The following C12orf54 variants were observed in gnomAD, a reference collection of about 807,000 sequenced individuals.
C12orf54 encodes the protein uncharacterized protein C12orf54.
In C12orf54, 24 loss-of-function variants were observed where a neutral mutation model predicts 26.4. That is an observed-to-expected ratio of 0.91 (90% CI 0.66 to 1.28). The LOEUF (loss-of-function observed/expected upper bound fraction) is 1.28. Ranked by LOEUF, C12orf54 falls within the 50% of genes most tolerant of loss-of-function variation. The pLI, the probability that C12orf54 is intolerant of heterozygous loss-of-function variation, is 0.00. For missense variants in C12orf54, 154 were observed against 150.9 expected (o/e 1.02, Z -0.11); for synonymous variants, 54 against 47.0 (o/e 1.15, Z -0.61).
Position 48,492,807 on chromosome 12 carries a change from GC to G in C12orf54, c.194-138del, listed in dbSNP as rs1173834619. 8 of 689,176 alleles carry G rather than the reference GC, an allele frequency of 1.2e-5. No homozygotes were observed. The East Asian group carries it at 2.2e-4, about 19-fold the overall frequency. The allele number at this position is 689,176 out of a possible 1,614,324, so 42.7% of individuals were successfully genotyped here. A position where few individuals can be genotyped will look rare whatever the true frequency, so the allele number is the denominator to read the frequency against. On this transcript the variant is annotated intron_variant, in intron 6 of 8. Transcript: ENST00000548364. ...CATTCTGCAACTGCCTCTCTGATGGGCCTGTTAGGTGGTCAGTGTCCCTTCA... is the reference window on the plus strand; with the variant it reads ...CATTCTGCAACTGCCTCTCTGATGGGCTGTTAGGTGGTCAGTGTCCCTTCA...
At chr12:48,434,993 A>G in the C12orf54 span, among the ~76,000 whole-genome samples, 11 of 152,206 alleles carry the variant, frequency 7.2e-5, no homozygotes, top group African/African-American at 2.2e-4. Context: ...AACCAATGGC[A>G]AAGAAGTTAA....
chr12:48,487,837 C>A, intron 4 of C12orf54: 1 of 491,650 alleles, frequency 2.0e-6, no homozygotes, highest in Non-Finnish European at 3.6e-6. Flanking sequence ...GGAGACAACC[C>A]ACAGTTCCAA....
chr12:48,472,692 G>A, the C12orf54 span: 4 of 1,614,056 alleles, frequency 2.5e-6, no homozygotes, highest in Non-Finnish European at 3.4e-6. Flanking sequence ...GATTCATTTA[G>A]AGCTGCGGAA....
At chr12:48,468,640 A>G in the C12orf54 span, among the ~76,000 whole-genome samples, 9 of 152,142 alleles carry the variant, frequency 5.9e-5, no homozygotes, top group Middle Eastern at 3.2e-3. Flanking sequence ...CAAAGCAGTC[A>G]CTTTTTTTTC....
the C12orf54 span, among the ~76,000 whole-genome samples, chr12:48,474,509 A>G: frequency 6.6e-6 from 1 of 152,208 alleles, no homozygotes; most frequent in African/African-American, 2.4e-5. Context: ...AAGGGGTGAC[A>G]GATGGCACCT....
At chr12:48,448,831 A>G in the C12orf54 span, among the ~76,000 whole-genome samples, 1 of 152,246 alleles carries the variant, frequency 6.6e-6, no homozygotes, top group South Asian at 2.1e-4. Context: ...ACCATGGCCC[A>G]TGACACAGCC....
chr12:48,463,798 C>T, the C12orf54 span, among the ~76,000 whole-genome samples: 3 of 151,804 alleles, frequency 2.0e-5, no homozygotes, highest in African/African-American at 7.2e-5. Flanking sequence ...ACAAATGTGA[C>T]TCATCACGTA....
At chr12:48,466,298 C>A in the C12orf54 span, among the ~76,000 whole-genome samples, 2 of 152,166 alleles carry the variant, frequency 1.3e-5, no homozygotes, top group African/African-American at 4.8e-5. Context: ...AATCCCAACA[C>A]TTTGGGAGGC....
chr12:48,467,942 C>G, the C12orf54 span, among the ~76,000 whole-genome samples: 1 of 152,138 alleles, frequency 6.6e-6, no homozygotes, highest in East Asian at 1.9e-4. Context: ...ATCCTCATCA[C>G]TGGCCTGGAT....
the C12orf54 span, among the ~76,000 whole-genome samples, chr12:48,414,932 C>G: frequency 2.0e-4 from 31 of 152,288 alleles, no homozygotes; most frequent in Middle Eastern, 6.8e-3. Context: ...CAAATGCAAA[C>G]AGCTAAGCCT....
intron 4 of C12orf54, among the ~76,000 whole-genome samples, chr12:48,487,429 A>C (rs1053698481): frequency 1.3e-5 from 2 of 152,234 alleles, no homozygotes; most frequent in Admixed American, 6.5e-5. Flanking sequence ...AATATTATTT[A>C]AAATGAATAA....
At position 48,494,982 on chromosome 12, in the gene C12orf54, G is replaced by T. The variant is rs2137100303; in HGVS notation, c.*40+3G>T. On this transcript the variant is annotated splice_donor_region_variant and intron_variant, in intron 8 of 8. Transcript: ENST00000548364. The stretch of plus-strand genomic sequence containing the variant: ...AAGGACATCTCTGCTTCCGCCAGGT[G>T]CTTTACCCAAGCAGCCTTTCCCCTG... The T allele has an allele frequency of 6.3e-7, 1 of 1,595,586 alleles. No individual in the cohort carries two copies. The highest frequency in any genetic ancestry group is 8.6e-7 in the Non-Finnish European group (1 of 1,165,746).
Position 48,494,961 on chromosome 12 carries a change from A to T in C12orf54, c.*22A>T, listed in dbSNP as rs74090903. 19,552 of 1,608,942 alleles carry T rather than the reference A, an allele frequency of 0.012. 2,019 individuals are homozygous for T. The African/African-American group carries it at 0.23, about 19-fold the overall frequency. On this transcript the variant is annotated 3_prime_UTR_variant, in exon 8 of 9. Coordinates refer to ENST00000548364, the MANE Select transcript of C12orf54 (RefSeq NM_152319.4). The stretch of plus-strand genomic sequence containing the variant: ...CTAACTCTACAATCAAGGAAGAAGG[A>T]CATCTCTGCTTCCGCCAGGTGCTTT...
chr12:48,438,221 G>T, the C12orf54 span, among the ~76,000 whole-genome samples: 1 of 152,164 alleles, frequency 6.6e-6, no homozygotes, highest in Non-Finnish European at 1.5e-5. Flanking sequence ...TCTTCAAGGA[G>T]AACTACAAAC....
chr12:48,463,802 T>A, the C12orf54 span, among the ~76,000 whole-genome samples: 22,038 of 151,944 alleles, frequency 0.15, 2,816 homozygotes, highest in East Asian at 0.66. Context: ...ATGTGACTCA[T>A]CACGTAAACA....
the C12orf54 span, among the ~76,000 whole-genome samples, chr12:48,414,305 A>G: frequency 2.0e-5 from 3 of 152,228 alleles, no homozygotes; most frequent in Non-Finnish European, 4.4e-5. Flanking sequence ...TAAGCTCCTG[A>G]CTACTGCCTC....
chr12:48,461,746 T>A, the C12orf54 span, among the ~76,000 whole-genome samples: 2 of 151,816 alleles, frequency 1.3e-5, no homozygotes, highest in Non-Finnish European at 3.0e-5. Context: ...AAATTTCCCA[T>A]CAATTTAGAG....
intron 4 of C12orf54, chr12:48,488,522 C>CT: frequency 2.7e-6 from 1 of 374,262 alleles, no homozygotes; most frequent in Non-Finnish European, 5.0e-6. Flanking sequence ...AGTGCCGGAA[C>CT]TTTTTCCAAA....
At chr12:48,475,906 A>T in the C12orf54 span, among the ~76,000 whole-genome samples, 1 of 151,980 alleles carries the variant, frequency 6.6e-6, no homozygotes, top group African/African-American at 2.4e-5. Context: ...CGCCACAAAG[A>T]TACTCCTCGA....
Sources: gnomAD v4.1 joint callset for allele counts (sites outside exome capture counted in the v4.1 genomes callset) on GRCh38, gnomAD v4.1.1 for gene constraint, MANE v1.5 for transcripts, NCBI Gene and HGNC (gene_info 2026-07-23, HGNC 2026-07-21) for gene names.